FAM81A: variants seen among roughly 807,000 people sequenced by gnomAD.
FAM81A encodes the protein family with sequence similarity 81 member A, also known as protein FAM81A.
FAM81A carries 19 observed loss-of-function variants against 46.7 expected under a neutral mutation model. That is an observed-to-expected ratio of 0.41 (90% CI 0.28 to 0.60). FAM81A has a LOEUF of 0.60. Ranked by LOEUF, FAM81A falls within the 20% of genes least tolerant of loss-of-function variation. FAM81A has a pLI of 0.34. For synonymous variants in FAM81A, 183 were observed against 152.9 expected, an observed-to-expected ratio of 1.20 and a Z score of -1.45; for missense variants, 377 against 453.5, an observed-to-expected ratio of 0.83 and a Z score of 1.53.
At chr15:59,514,558 G>C (rs1279509088) in intron 7 of FAM81A, 134 bp downstream of exon 7, 1 of 1,148,732 alleles carries the variant, frequency 8.7e-7, no homozygotes, top group African/African-American at 1.5e-5. Context: ...CATTTCCATA[G>C]TTCCATATTG....
intron 2 of FAM81A, among the ~76,000 whole-genome samples, chr15:59,458,883 A>G (rs1251209996): frequency 6.6e-6 from 1 of 152,262 alleles, no homozygotes; most frequent in Non-Finnish European, 1.5e-5. Flanking sequence ...AGTGAAATAT[A>G]ACTCCGGGGG....
intron 3 of FAM81A, among the ~76,000 whole-genome samples, chr15:59,461,702 T>G (rs2081553629): frequency 6.6e-6 from 1 of 152,200 alleles, no homozygotes; most frequent in Admixed American, 6.5e-5. Context: ...GTCTGAGTAA[T>G]ATTCTATTTT....
At chr15:59,474,309 TAA>T (rs1224137212) in intron 3 of FAM81A, among the ~76,000 whole-genome samples, 1 of 152,178 alleles carries the variant, frequency 6.6e-6, no homozygotes, top group Non-Finnish European at 1.5e-5. Flanking sequence ...GGGTAATTTA[TAA>T]AGAACAGAAA....
At chr15:59,516,620 G>C in intron 7 of FAM81A, 25 bp from the exon 8 acceptor site, 1 of 1,599,192 alleles carries the variant, frequency 6.3e-7, no homozygotes, top group Non-Finnish European at 8.5e-7. Context: ...GAGTGATTAA[G>C]TGCAGTTCTT....
chr15:59,426,396 G>A (rs1329956080), intron 2 of FAM81A, among the ~76,000 whole-genome samples: 2 of 152,092 alleles, frequency 1.3e-5, no homozygotes, highest in Non-Finnish European at 2.9e-5. Flanking sequence ...ACCTGAGGTT[G>A]GGAGTTCAAG....
intron 6 of FAM81A, among the ~76,000 whole-genome samples, chr15:59,513,394 G>A (rs1197393446): frequency 6.6e-6 from 1 of 152,180 alleles, no homozygotes; most frequent in Non-Finnish European, 1.5e-5. Flanking sequence ...TGTCCTCTGA[G>A]CCAGGAGTAT....
rs535109942 is a variant in FAM81A, at chr15:59,512,905, C to T, written c.651-1384C>T. Reference sequence around the variant, plus strand: ...TTTGATGCATCATGAGGCTATATCTCGCTGCAAGGGATCCTGGGAAATGTG... The same window carrying T: ...TTTGATGCATCATGAGGCTATATCTTGCTGCAAGGGATCCTGGGAAATGTG... On this transcript the variant is annotated intron_variant, in intron 6 of 8. Coordinates refer to ENST00000288228, the MANE Select transcript of FAM81A (RefSeq NM_152450.3). Among the ~76,000 whole-genome samples, 36 of 152,294 alleles carry T rather than the reference C, an allele frequency of 2.4e-4. No individual in the cohort carries two copies. In the South Asian group the frequency reaches 6.8e-3, roughly 29 times the overall value.
chr15:59,425,694 T>A (rs1428080912), intron 2 of FAM81A, among the ~76,000 whole-genome samples: 2 of 152,204 alleles, frequency 1.3e-5, no homozygotes, highest in African/African-American at 4.8e-5. Flanking sequence ...GGCATGATCA[T>A]AGCTCACTGC....
intron 4 of FAM81A, among the ~76,000 whole-genome samples, chr15:59,504,563 A>G (rs1188484392): frequency 9.9e-5 from 15 of 152,092 alleles, no homozygotes; most frequent in African/African-American, 3.4e-4. Context: ...GTTTACCACA[A>G]TTTTATCCAT....
chr15:59,494,626 T>C (rs77717012), intron 4 of FAM81A, among the ~76,000 whole-genome samples: 13,491 of 152,246 alleles, frequency 0.089, 762 homozygotes, highest in African/African-American at 0.16. Flanking sequence ...TAAATATTTT[T>C]GCTTTGTTTT....
At position 59,460,519 on chromosome 15, in the gene FAM81A, A is replaced by C. The variant is rs1246244714; in HGVS notation, c.294+313A>C. The C allele has an allele frequency of 7.2e-6, 3 of 418,024 alleles. No individual in the cohort carries two copies. Among genetic ancestry groups the C allele is most frequent in the African/African-American group, 2.0e-5 (1 of 49,222 alleles). 25.9% of individuals were successfully genotyped at this position (418,024 alleles called of 1,614,324 possible). A position where few individuals can be genotyped will look rare whatever the true frequency, so the allele number is the denominator to read the frequency against. On this transcript the variant is annotated intron_variant, in intron 3 of 8. Coordinates refer to ENST00000288228, the MANE Select transcript of FAM81A (RefSeq NM_152450.3). This position sits in a 1 kb window ranked among gnomAD's most constrained non-coding sequence, Gnocchi z 4.4. Reference sequence around the variant, plus strand: ...AGAACTAGTCGAATAGTTTCACTCTATAATCTTTCATATCTTTGAAGACAG... The same window carrying C: ...AGAACTAGTCGAATAGTTTCACTCTCTAATCTTTCATATCTTTGAAGACAG...
At chr15:59,485,075 C>T (rs982886986) in intron 3 of FAM81A, among the ~76,000 whole-genome samples, 41 of 152,088 alleles carry the variant, frequency 2.7e-4, no homozygotes, top group African/African-American at 9.2e-4. Context: ...TTGGTGGTTT[C>T]GGCACTAGCT....
intron 3 of FAM81A, among the ~76,000 whole-genome samples, chr15:59,485,175 A>G (rs2081902466): frequency 6.6e-6 from 1 of 152,170 alleles, no homozygotes; most frequent in African/African-American, 2.4e-5. Context: ...ACCTGCGTGG[A>G]GCCTGGGGGA....
At chr15:59,436,261 A>G (rs1267507418), upstream of FAM81A, among the ~76,000 whole-genome samples, 3 of 152,154 alleles carry the variant, frequency 2.0e-5, no homozygotes, top group Non-Finnish European at 4.4e-5. Context: ...ATCAAAGTTC[A>G]GTTTTGATGG....
chr15:59,501,681 A>G (rs1272638643), intron 4 of FAM81A, among the ~76,000 whole-genome samples: 2 of 152,208 alleles, frequency 1.3e-5, no homozygotes, highest in African/African-American at 4.8e-5. Flanking sequence ...TGATTAGGTA[A>G]GCCTAGCAAT....
At chr15:59,421,762 T>TCTATCTATCTATCTATCTATCTAC (rs2081173546) in intron 2 of FAM81A, among the ~76,000 whole-genome samples, 1 of 151,402 alleles carries the variant, frequency 6.6e-6, no homozygotes, top group African/African-American at 2.4e-5. Flanking sequence ...TATCTATCTA[T>TCTATCTATCTATCTATCTATCTAC]CTATCTATCT....
chr15:59,461,613 G>A (rs932887308), intron 3 of FAM81A, among the ~76,000 whole-genome samples: 1 of 152,148 alleles, frequency 6.6e-6, no homozygotes, highest in Non-Finnish European at 1.5e-5. Flanking sequence ...GAGCCACTGT[G>A]CCCAGCCTGG....
intron 7 of FAM81A, among the ~76,000 whole-genome samples, 153 bp from the exon 8 acceptor site, chr15:59,516,492 G>T (rs2082268447): frequency 6.6e-6 from 1 of 152,180 alleles, no homozygotes; most frequent in Admixed American, 6.5e-5. Context: ...ATCTGTTAAG[G>T]AAGAAAGGGA....
At chr15:59,514,977 G>A (rs2082251645) in intron 7 of FAM81A, among the ~76,000 whole-genome samples, 1 of 152,252 alleles carries the variant, frequency 6.6e-6, no homozygotes, top group Admixed American at 6.5e-5. Flanking sequence ...GGGCACTGTG[G>A]CTCACTCCTG....
Sources: gnomAD v4.1 joint callset for allele counts (sites outside exome capture counted in the v4.1 genomes callset) on GRCh38, gnomAD v4.1.1 for gene constraint, Gnocchi (gnomAD v3.1) non-coding constraint, MANE v1.5 for transcripts, NCBI Gene and HGNC (gene_info 2026-07-23, HGNC 2026-07-21) for gene names.